Variants in IQSEC1 observed in about 807,000 individuals in gnomAD.
IQSEC1 encodes IQ motif and SEC7 domain-containing protein 1.
In IQSEC1, 31 loss-of-function variants were observed where a neutral mutation model predicts 91.0. That is an observed-to-expected ratio of 0.34 (90% confidence interval 0.26 to 0.46). IQSEC1 has a LOEUF of 0.46. IQSEC1 is among the 20% of genes least tolerant of loss of function. IQSEC1 has a pLI of 1.00. For missense variants in IQSEC1, 1,388 were observed against 1,575.6 expected (o/e 0.88, Z 2.02); for synonymous variants, 699 against 662.6 (o/e 1.05, Z -0.84).
In IQSEC1 at chr3:12,977,637, A is replaced by G. The variant is rs1039382410; in HGVS notation, c.24-35772T>C. On this transcript the variant is annotated intron_variant, in intron 1 of 13. Transcript: ENST00000613206. ...CTGCTGCCTTTTATGTAGTGAGTTCACACCAAAGAACAGCTACCAAGGGAA... is the reference window on the plus strand; with the variant it reads ...CTGCTGCCTTTTATGTAGTGAGTTCGCACCAAAGAACAGCTACCAAGGGAA... Among the ~76,000 whole-genome samples the G allele has an allele frequency of 3.3e-5, 5 of 152,218 alleles. No individual in the cohort carries two copies. The South Asian group carries it at 6.2e-4, about 19-fold the overall frequency.
rs1300518812 is a variant in IQSEC1, at chr3:13,103,790, G to A, written c.303-56268C>T. The stretch of plus-strand genomic sequence containing the variant: ...CCATGTTGCCTACCACCCTACGAGG[G>A]CAGGGGCTGTGTCTGCCTCCATCAC... On this transcript the variant is annotated intron_variant, in intron 2 of 15. Transcript: ENST00000648114. This position sits in a 1 kb window ranked among gnomAD's most constrained non-coding sequence, Gnocchi z 4.1. Among the ~76,000 whole-genome samples, 3 of 152,156 alleles carry A rather than the reference G, an allele frequency of 2.0e-5. No homozygotes were observed. The highest frequency in any genetic ancestry group is 6.5e-5 in the Admixed American group (1 of 15,272).
intron 1 of IQSEC1, among the ~76,000 whole-genome samples, chr3:13,217,992 C>G (rs930324850): frequency 1.3e-5 from 2 of 152,164 alleles, no homozygotes; most frequent in African/African-American, 4.8e-5. Flanking sequence ...ACACAGCACC[C>G]GAAGCATCTA....
In IQSEC1 at chr3:13,220,634, C is replaced by T. The variant is rs139479659; in HGVS notation, c.273-56501G>A. On this transcript the variant is annotated intron_variant, in intron 1 of 15. Coordinates refer to the IQSEC1 transcript ENST00000648114. ...GACAAGGTCAGCCTCACGGCCATCG[C>T]TGACTTGCTCCTCTGGTTTATGCAT... Among the ~76,000 whole-genome samples, 577 of 152,376 alleles carry T rather than the reference C, an allele frequency of 3.8e-3. 5 individuals are homozygous for T. Among genetic ancestry groups the T allele is most frequent in the African/African-American group, 0.013 (550 of 41,576 alleles).
rs909586970 is a variant in IQSEC1 at position 12,979,073 on chromosome 3, G to A, written c.24-37208C>T. Among the ~76,000 whole-genome samples, 5 of 152,218 alleles carry A rather than the reference G, an allele frequency of 3.3e-5. No homozygotes were observed. The highest frequency in any genetic ancestry group is 1.2e-4 in the African/African-American group (5 of 41,450). On this transcript the variant is annotated intron_variant, in intron 1 of 13. Transcript: ENST00000613206. The surrounding 1 kb of genome is among the most constrained non-coding windows in gnomAD (Gnocchi z 4.3). ...AGCAGGAGCTTCATCCTGTGAGGGT[G>A]TAAGCAGGAGTGGGAGTGACCTGGG...
At chr3:12,902,576 A>G (rs1333827499) in intron 13 of IQSEC1, among the ~76,000 whole-genome samples, 197 bp downstream of exon 13, 1 of 146,500 alleles carries the variant, frequency 6.8e-6, no homozygotes, top group Non-Finnish European at 1.5e-5. Flanking sequence ...TGACATGCAC[A>G]GGGTTCCAGG....
At chr3:13,263,457 T>C (rs1576315073) in intron 1 of IQSEC1, among the ~76,000 whole-genome samples, 1 of 151,562 alleles carries the variant, frequency 6.6e-6, no homozygotes, top group African/African-American at 2.4e-5. Flanking sequence ...CTGACACTTT[T>C]TTTTTTTGAG....
intron 2 of IQSEC1, among the ~76,000 whole-genome samples, chr3:13,131,627 C>T (rs776859313): frequency 1.3e-5 from 2 of 151,980 alleles, no homozygotes; most frequent in Non-Finnish European, 2.9e-5. Context: ...GCTGGGATCA[C>T]AGGTGTGTGT....
At chr3:13,058,663 G>C (rs1186286404) in intron 1 of IQSEC1, among the ~76,000 whole-genome samples, 1 of 152,214 alleles carries the variant, frequency 6.6e-6, no homozygotes, top group African/African-American at 2.4e-5. Context: ...GTGGGTACAA[G>C]GGTGTGCTGG....
chr3:13,091,338 A>T (rs1032925537), intron 2 of IQSEC1, among the ~76,000 whole-genome samples: 1 of 152,246 alleles, frequency 6.6e-6, no homozygotes, highest in African/African-American at 2.4e-5. Flanking sequence ...TCACTGAAGC[A>T]GGCTCAAGCC....
chr3:13,153,496 AGGGCTGCCCTGCCACCAAGG>A (rs2124964901), intron 2 of IQSEC1, among the ~76,000 whole-genome samples: 1 of 152,250 alleles, frequency 6.6e-6, no homozygotes, highest in South Asian at 2.1e-4. Context: ...GCACTCATAG[AGGGCTGCCCTGCCACCAAGG>A]GGGCTGCTCC....
At position 12,900,959 on chromosome 3, in the gene IQSEC1, G is replaced by A. The variant is rs372290856; in HGVS notation, c.*24C>T. ...GTGTGGTGTGCAGGTGTTTCAGGGA[G>A]CCTGGGACCCCTACCCAGGCTGTCT... On this transcript the variant is annotated 3_prime_UTR_variant, in exon 14 of 14. Transcript: ENST00000613206. The A allele has an allele frequency of 2.6e-4, 395 of 1,541,432 alleles. No individual in the cohort carries two copies. The highest frequency in any genetic ancestry group is 6.3e-4 in the Admixed American group (32 of 50,996).
intron 1 of IQSEC1, among the ~76,000 whole-genome samples, chr3:13,265,916 C>CAAAA (rs34132019): frequency 9.0e-6 from 1 of 110,802 alleles, no homozygotes; most frequent in Non-Finnish European, 1.8e-5. Context: ...TGCTTTATTG[C>CAAAA]AAAAAAAAAA....
intron 2 of IQSEC1, among the ~76,000 whole-genome samples, chr3:13,142,214 C>G (rs372711200): frequency 1.1e-4 from 17 of 152,358 alleles, no homozygotes; most frequent in Non-Finnish European, 2.1e-4. Context: ...CAGAGCGCAG[C>G]GGGCTGCGGG....
chr3:13,060,687 G>A (rs1036880009), intron 1 of IQSEC1, among the ~76,000 whole-genome samples: 13 of 152,208 alleles, frequency 8.5e-5, no homozygotes, highest in East Asian at 1.9e-4. Context: ...GGTGGGGGCC[G>A]GTATGTCTGG....
intron 1 of IQSEC1, among the ~76,000 whole-genome samples, chr3:13,067,089 G>T (rs1705261441): frequency 6.6e-6 from 1 of 152,214 alleles, no homozygotes; most frequent in African/African-American, 2.4e-5. Context: ...GTGAGGCAGG[G>T]ACAGAGCTGG....
intron 1 of IQSEC1, among the ~76,000 whole-genome samples, chr3:13,169,459 G>A (rs1341678956): frequency 6.6e-6 from 1 of 152,206 alleles, no homozygotes; most frequent in Non-Finnish European, 1.5e-5. Context: ...GTGGGGCACT[G>A]CTGTAGACAC....
chr3:13,213,004 C>T (rs951778282), intron 1 of IQSEC1, among the ~76,000 whole-genome samples: 1 of 152,152 alleles, frequency 6.6e-6, no homozygotes, highest in African/African-American at 2.4e-5. Flanking sequence ...CTGTAGTTGT[C>T]TTTTCACTTT....
At chr3:13,091,068 C>T (rs1334988364) in intron 2 of IQSEC1, among the ~76,000 whole-genome samples, 2 of 152,162 alleles carry the variant, frequency 1.3e-5, no homozygotes, top group African/African-American at 2.4e-5. Context: ...ATTCTGTGCT[C>T]GGTTTCTACG....
intron 2 of IQSEC1, among the ~76,000 whole-genome samples, chr3:13,105,640 G>A (rs943768973): frequency 2.0e-5 from 3 of 152,022 alleles, no homozygotes; most frequent in Non-Finnish European, 4.4e-5. Context: ...TCTGTATCAC[G>A]GGCATCTAAG....
Sources: gnomAD v4.1 joint callset for allele counts (sites outside exome capture counted in the v4.1 genomes callset) on GRCh38, gnomAD v4.1.1 for gene constraint, Gnocchi (gnomAD v3.1) non-coding constraint, MANE v1.5 for transcripts, NCBI Gene and HGNC (gene_info 2026-07-23, HGNC 2026-07-21) for gene names.